Variants in ENTREP2 observed in about 807,000 individuals in gnomAD.
ENTREP2 encodes the protein endosomal transmembrane epsin interactor 2, also known as protein ENTREP2.
the ENTREP2 span, among the ~76,000 whole-genome samples, chr15:29,444,170 CA>C: frequency 1.5e-4 from 11 of 71,486 alleles, 2 homozygotes; most frequent in African/African-American, 4.4e-4. Context: ...GAAAGACAGA[CA>C]AAGAAAGAAA....
chr15:29,241,672 CCT>C, the ENTREP2 span, among the ~76,000 whole-genome samples: 2 of 152,162 alleles, frequency 1.3e-5, no homozygotes, highest in Admixed American at 6.5e-5. Context: ...TCAAAAGCAT[CCT>C]CTGTTATGCT....
At chr15:29,650,165 A>G in the ENTREP2 span, among the ~76,000 whole-genome samples, 1 of 152,014 alleles carries the variant, frequency 6.6e-6, no homozygotes, top group East Asian at 1.9e-4. Flanking sequence ...AAGCCACTGC[A>G]ATAACTAAAC....
chr15:29,673,267 C>T, the ENTREP2 span, among the ~76,000 whole-genome samples: 1 of 152,264 alleles, frequency 6.6e-6, no homozygotes, highest in East Asian at 1.9e-4. Context: ...CCTGTTTTAT[C>T]AGCAAGGTCT....
chr15:29,139,148 T>G, the ENTREP2 span, among the ~76,000 whole-genome samples: 1 of 152,002 alleles, frequency 6.6e-6, no homozygotes, highest in Non-Finnish European at 1.5e-5. Context: ...AGGTGACGAT[T>G]CTGAATGGGG....
chr15:29,292,051 A>G, the ENTREP2 span, among the ~76,000 whole-genome samples: 2 of 152,190 alleles, frequency 1.3e-5, no homozygotes, highest in Non-Finnish European at 2.9e-5. Context: ...ACTAGTGGAC[A>G]CTATCCTGAG....
At chr15:29,121,303 A>T in the ENTREP2 span, 1 of 152,236 alleles carries the variant, frequency 6.6e-6, no homozygotes, top group Non-Finnish European at 1.5e-5. Context: ...GCATGAGGAG[A>T]ACACCCCAGA....
At chr15:29,416,878 G>T in the ENTREP2 span, among the ~76,000 whole-genome samples, 45 of 152,284 alleles carry the variant, frequency 3.0e-4, 1 homozygote, top group South Asian at 4.4e-3. Flanking sequence ...TATGCAGCCA[G>T]AAAACACATG....
chr15:29,597,800 C>T, the ENTREP2 span, among the ~76,000 whole-genome samples: 1 of 152,008 alleles, frequency 6.6e-6, no homozygotes, highest in East Asian at 1.9e-4. Context: ...TTCAAATCAC[C>T]TGAGTGTGAT....
the ENTREP2 span, among the ~76,000 whole-genome samples, chr15:29,542,423 C>T: frequency 4.6e-5 from 7 of 151,386 alleles, no homozygotes; most frequent in Non-Finnish European, 7.4e-5. Context: ...CTCAGCTTCC[C>T]GAGTAGCTGG....
At chr15:29,645,317 A>G in the ENTREP2 span, among the ~76,000 whole-genome samples, 26 of 152,304 alleles carry the variant, frequency 1.7e-4, no homozygotes, top group African/African-American at 4.1e-4. Context: ...AACAGCAGGG[A>G]CTTTGGAAAA....
the ENTREP2 span, among the ~76,000 whole-genome samples, chr15:29,312,806 G>A: frequency 6.6e-6 from 1 of 152,130 alleles, no homozygotes. Flanking sequence ...AAATGTTCAA[G>A]TGAAAGGAAG....
the ENTREP2 span, among the ~76,000 whole-genome samples, chr15:29,595,110 C>T: frequency 4.7e-4 from 64 of 136,448 alleles, no homozygotes; most frequent in African/African-American, 1.6e-3. Flanking sequence ...TAAAATTAGC[C>T]AGGTGTGATG....
At chr15:29,531,043 C>T in the ENTREP2 span, among the ~76,000 whole-genome samples, 2 of 152,230 alleles carry the variant, frequency 1.3e-5, no homozygotes, top group South Asian at 4.1e-4. Context: ...CTGCATTCTT[C>T]CCCTCAGTGG....
the ENTREP2 span, among the ~76,000 whole-genome samples, chr15:29,632,517 C>A: frequency 2.6e-5 from 4 of 152,138 alleles, no homozygotes; most frequent in Non-Finnish European, 4.4e-5. Context: ...CACGGTGGCT[C>A]ATGCCTGTAA....
the ENTREP2 span, among the ~76,000 whole-genome samples, chr15:29,478,025 T>A: frequency 2.1e-4 from 26 of 122,804 alleles, no homozygotes; most frequent in African/African-American, 7.1e-4. Flanking sequence ...ATATATTTTT[T>A]TTTTTTTTTT....
the ENTREP2 span, among the ~76,000 whole-genome samples, chr15:29,667,224 G>C: frequency 6.8e-6 from 1 of 146,342 alleles, no homozygotes. Flanking sequence ...GTCTCACTCC[G>C]TCTCCCAGGC....
At chr15:29,251,744 CTT>C in the ENTREP2 span, among the ~76,000 whole-genome samples, 21 of 97,818 alleles carry the variant, frequency 2.1e-4, no homozygotes, top group African/African-American at 8.4e-4. Flanking sequence ...TTTTTTGTGA[CTT>C]TTTTTTTTTT....
At chr15:29,491,718 T>C in the ENTREP2 span, among the ~76,000 whole-genome samples, 1 of 152,162 alleles carries the variant, frequency 6.6e-6, no homozygotes, top group African/African-American at 2.4e-5. Flanking sequence ...GGAAAAAACA[T>C]GAAGATTTAT....
chr15:29,265,057 C>T, the ENTREP2 span: 5 of 152,072 alleles, frequency 3.3e-5, no homozygotes, highest in Admixed American at 2.6e-4. Flanking sequence ...CATCCAAAGT[C>T]ATTCATAGTT....
Sources: gnomAD v4.1 joint callset for allele counts (sites outside exome capture counted in the v4.1 genomes callset) on GRCh38, gnomAD v4.1.1 for gene constraint, MANE v1.5 for transcripts, NCBI Gene and HGNC (gene_info 2026-07-23, HGNC 2026-07-21) for gene names.